MACF1: variants seen among roughly 807,000 people sequenced by gnomAD.
MACF1 encodes the protein microtubule actin crosslinking factor 1.
In MACF1, 193 loss-of-function variants were observed where a neutral mutation model predicts 854.8. The ratio of observed to expected loss-of-function variants is 0.23; its 90% CI spans 0.20 to 0.25. MACF1 has a LOEUF of 0.25. MACF1 is among the 10% of genes least tolerant of loss of function. The pLI is 1.00. For missense variants in MACF1, 7,722 were observed against 8,929.1 expected (o/e 0.86, Z 5.45); for synonymous variants, 3,185 against 3,226.7 (o/e 0.99, Z 0.44).
chr1:39,269,715 G>A, intron 6 of MACF1: 11 of 1,288,820 alleles, frequency 8.5e-6, no homozygotes, highest in Non-Finnish European at 1.1e-5. Context: ...ATGGGGTCTG[G>A]AAGAGGTAGG....
Position 39,484,847 on chromosome 1 carries a change from C to T in MACF1, c.22411+117C>T, listed in dbSNP as rs544984629. 34 of 1,187,902 alleles carry T rather than the reference C, an allele frequency of 2.9e-5. No homozygotes were observed. In the South Asian group the frequency reaches 4.0e-4, roughly 14 times the overall value. The allele number at this position is 1,187,902 out of a possible 1,614,324, so 73.6% of individuals were successfully genotyped here. ...ATGAGAGTGGCACTTAGTGTGATGC[C>T]CAGAAAGACAGACCTGCAGATGCTC... On this transcript the variant is annotated intron_variant, in intron 100 of 100. Transcript: ENST00000564288.
In MACF1 at chr1:39,430,909, G is replaced by A; in HGVS notation, c.17337+1G>A. ...TGCTGCTATTCAGAGATCACAACAG[G>A]TAATGCTTATAATACCTCTGCATTA... is the stretch of plus-strand genomic sequence containing the variant. On this transcript the variant is annotated splice_donor_variant, in intron 66 of 100. Transcript: ENST00000564288. LOFTEE classifies it high-confidence loss of function. 6.2e-7 allele frequency: 1 copy of A among 1,610,994 alleles called. No homozygotes were observed. The highest frequency in any genetic ancestry group is 8.5e-7 in the Non-Finnish European group (1 of 1,178,824).
chr1:39,319,725 A>G lies in MACF1; in HGVS notation c.4007A>G (p.Gln1336Arg). The G allele has an allele frequency of 1.2e-6, 2 of 1,613,618 alleles. No individual in the cohort carries two copies. Among genetic ancestry groups the G allele is most frequent in the South Asian group, 1.1e-5 (1 of 91,018 alleles). The change falls in exon 31 of 101, where the codon CAG becomes CGG. Residue 1336 changes from glutamine to arginine, a missense_variant. Gln to Arg is a conservative substitution (Grantham distance 43). This residue lies in a region of MACF1 where 1,137 missense variants were observed against 1,263.0 expected (regional missense o/e 0.90). Coordinates refer to ENST00000564288, the MANE Select transcript of MACF1 (RefSeq NM_001394062.1). ...TKLDQCQKFS[Q>R]QYSTIVKDYE... is the part of the protein sequence containing the mutation. ...CTGGATCAATGTCAAAAATTTTCCC[A>G]GCAGTACTCTACTATTGTAAAGGTA...
At chr1:39,176,009 C>G (rs1421075276) in intron 2 of MACF1, among the ~76,000 whole-genome samples, 1 of 147,518 alleles carries the variant, frequency 6.8e-6, no homozygotes, top group African/African-American at 2.5e-5. Context: ...ACTCGGGAGG[C>G]TGAGGCAGGA....
chr1:39,241,705 C>T (rs533662523), intron 2 of MACF1, among the ~76,000 whole-genome samples: 85 of 147,138 alleles, frequency 5.8e-4, no homozygotes, highest in African/African-American at 1.6e-3. Flanking sequence ...ACAATCCTTG[C>T]TCTTTTTTGT....
chr1:39,364,832 G>A (rs1219274124), intron 49 of MACF1, among the ~76,000 whole-genome samples: 1 of 151,978 alleles, frequency 6.6e-6, no homozygotes, highest in Non-Finnish European at 1.5e-5. Flanking sequence ...GATTTTATGA[G>A]TATTTTATTA....
At chr1:39,329,168 T>C (rs1446138195) in intron 36 of MACF1, among the ~76,000 whole-genome samples, 1 of 152,240 alleles carries the variant, frequency 6.6e-6, no homozygotes, top group Non-Finnish European at 1.5e-5. Flanking sequence ...CTTTCTATTC[T>C]TGGTCAGAAA....
intron 2 of MACF1, among the ~76,000 whole-genome samples, chr1:39,118,314 T>A (rs1176655440): frequency 6.6e-6 from 1 of 152,206 alleles, no homozygotes; most frequent in East Asian, 1.9e-4. Flanking sequence ...GAGTCACCTC[T>A]AGAGGGGAAG....
chr1:39,126,227 A>C (rs1320929899), intron 2 of MACF1, among the ~76,000 whole-genome samples: 3 of 152,128 alleles, frequency 2.0e-5, no homozygotes, highest in Admixed American at 2.0e-4. Context: ...TGTGAGGGAG[A>C]ACCTGTTCCA....
chr1:39,093,979 G>A (rs757654562), intron 2 of MACF1, among the ~76,000 whole-genome samples: 11 of 151,294 alleles, frequency 7.3e-5, no homozygotes, highest in Admixed American at 2.6e-4. Flanking sequence ...GGGTTTCACC[G>A]CGTTGGCCAG....
At position 39,385,926 on chromosome 1, in the gene MACF1, G is replaced by T. The variant is rs1238480403; in HGVS notation, c.14341G>T (p.Ala4781Ser). Residue 4781 changes from alanine to serine, a missense_variant, in exon 57 of 101, where the codon GCA becomes TCA. Physicochemically the swap from Ala to Ser is moderately conservative, Grantham distance 99. Around this residue, in one of 15 missense-constraint regions of MACF1, gnomAD observed 2,807 missense variants for 3,235.8 expected, o/e 0.87. Coordinates refer to ENST00000564288, the MANE Select transcript of MACF1 (RefSeq NM_001394062.1). ...ALPLQGLEDL[A>S]ADRINRLQAA... Reference sequence around the variant, plus strand: ...GCCTCTCCAAGGTTTAGAAGACCTTGCAGGTAAGTTGGGGTGAAGAACATA... The same window carrying T: ...GCCTCTCCAAGGTTTAGAAGACCTTTCAGGTAAGTTGGGGTGAAGAACATA... 6.2e-7 allele frequency: 1 copy of T among 1,603,458 alleles called. No individual in the cohort carries two copies. Among genetic ancestry groups the T allele is most frequent in the Non-Finnish European group, 8.5e-7 (1 of 1,173,054 alleles).
chr1:39,411,329 A>G, intron 58 of MACF1: 1 of 1,614,058 alleles, frequency 6.2e-7, no homozygotes, highest in Non-Finnish European at 8.5e-7. Context: ...GATGAGAAGA[A>G]CAGCCTGGCA....
chr1:39,334,358 T>G lies in MACF1; in HGVS notation c.7770T>G (p.Gly2590=). The G allele has an allele frequency of 6.2e-7, 1 of 1,614,016 alleles. No homozygotes were observed. Among genetic ancestry groups the G allele is most frequent in the Non-Finnish European group, 8.5e-7 (1 of 1,179,992 alleles). Residue 2590 remains glycine (G), a synonymous_variant, in exon 37 of 101, where the codon GGT becomes GGG. Coordinates refer to ENST00000564288, the MANE Select transcript of MACF1 (RefSeq NM_001394062.1). The stretch of plus-strand genomic sequence containing the variant: ...GAAACTTTGTGGATCTCATTTCTGG[T>G]CAGAGATTGACCTTGGCAGAAGCTA... The part of the protein sequence containing the change: ...FTGNFVDLIS[G]QRLTLAEAKK...
rs1644497616 is a variant in MACF1 at position 39,459,012 on chromosome 1, AG to A, written c.21197-72del. On this transcript the variant is annotated intron_variant, in intron 90 of 100. Transcript: ENST00000564288. ...CTGGATATTATTATAAAGATCTTCT[AG>A]GTTTATACATACAGCTATTTCTCTT... 2.4e-6 allele frequency: 3 copies of A among 1,257,342 alleles called. No homozygotes were observed. In the Admixed American group the frequency reaches 7.0e-5, roughly 29 times the overall value. The allele number at this position is 1,257,342 out of a possible 1,614,324, so 77.9% of individuals were successfully genotyped here. A position where few individuals can be genotyped will look rare whatever the true frequency, so the allele number is the denominator to read the frequency against.
chr1:39,158,204 G>A (rs185891928), intron 2 of MACF1, among the ~76,000 whole-genome samples: 1 of 152,318 alleles, frequency 6.6e-6, no homozygotes, highest in Non-Finnish European at 1.5e-5. Context: ...GAGTGAAATA[G>A]TGTCCTGGAG....
chr1:39,477,143 C>CATATATACACTTAGTGTAT (rs1341883804), intron 97 of MACF1, among the ~76,000 whole-genome samples: 2 of 146,840 alleles, frequency 1.4e-5, no homozygotes, highest in African/African-American at 2.5e-5. Flanking sequence ...TATACACACA[C>CATATATACACTTAGTGTAT]ACACACACAC....
chr1:39,341,431 C>CA (rs1224379689), intron 40 of MACF1, among the ~76,000 whole-genome samples: 2 of 151,200 alleles, frequency 1.3e-5, no homozygotes, highest in Non-Finnish European at 2.9e-5. Flanking sequence ...CATGGCAGCT[C>CA]ACACCTGTAA....
Position 39,332,323 on chromosome 1 carries a change from A to G in MACF1, c.5735A>G (p.Asp1912Gly). The change falls in exon 37 of 101, where the codon GAT (aspartate) becomes GGT (glycine). Residue 1912 changes from aspartate (D) to glycine (G), a missense_variant. Coordinates refer to ENST00000564288, the MANE Select transcript of MACF1 (RefSeq NM_001394062.1). ...ATAGAAAGTGGTATCCTGGATAGAG[A>G]TCTTGCCAATAACTTAAAATCGATT... ...KAIESGILDR[D>G]LANNLKSICI... 6.2e-7 allele frequency: 1 copy of G among 1,614,022 alleles called. No homozygotes were observed. The highest frequency in any genetic ancestry group is 8.5e-7 in the Non-Finnish European group (1 of 1,180,016).
intron 2 of MACF1, among the ~76,000 whole-genome samples, chr1:39,192,815 G>A (rs1463560825): frequency 6.6e-6 from 1 of 152,206 alleles, no homozygotes; most frequent in East Asian, 1.9e-4. Flanking sequence ...AGAAACAAAA[G>A]GCGTGAACTT....
Sources: gnomAD v4.1 joint callset for allele counts (sites outside exome capture counted in the v4.1 genomes callset) on GRCh38, gnomAD v4.1.1 for gene constraint, gnomAD v4.1.1 regional missense constraint, MANE v1.5 for transcripts, NCBI Gene and HGNC (gene_info 2026-07-23, HGNC 2026-07-21) for gene names.